Variants in GMPS observed in about 807,000 individuals in gnomAD.
GMPS encodes the protein guanosine monophosphate synthase, also known as GMP synthase [glutamine-hydrolyzing].
In GMPS, 15 loss-of-function variants were observed where a neutral mutation model predicts 77.9. The ratio of observed to expected loss-of-function variants is 0.19; its 90% CI spans 0.13 to 0.30. GMPS has a LOEUF of 0.30. GMPS is among the 10% of genes least tolerant of loss of function. GMPS has a pLI of 1.00. For synonymous variants in GMPS, 224 were observed against 275.9 expected, an observed-to-expected ratio of 0.81 and a Z score of 1.86; for missense variants, 590 against 838.8, an observed-to-expected ratio of 0.70 and a Z score of 3.66.
At chr3:155,871,684 C>G (rs991264878) in intron 1 of GMPS, among the ~76,000 whole-genome samples, 4 of 152,252 alleles carry the variant, frequency 2.6e-5, no homozygotes, top group African/African-American at 9.6e-5. Context: ...TAACCCGCTT[C>G]CCCGCCTTTG....
At chr3:155,916,444 A>G (rs1002130864) in intron 9 of GMPS, among the ~76,000 whole-genome samples, 14 of 151,810 alleles carry the variant, frequency 9.2e-5, no homozygotes, top group African/African-American at 3.4e-4. Context: ...CTAGGCAATT[A>G]CCAACCACTA....
intron 2 of GMPS, among the ~76,000 whole-genome samples, chr3:155,896,993 C>A (rs932156538): frequency 6.6e-6 from 1 of 151,984 alleles, no homozygotes; most frequent in Non-Finnish European, 1.5e-5. Context: ...CCTAAGTATA[C>A]CTTCATTGTG....
chr3:155,940,465 C>T lies in GMPS; in HGVS notation c.*2773C>T, dbSNP rs1755860852. 4.7e-6 allele frequency: 1 copy of T among 211,472 alleles called. No homozygotes were observed. The highest frequency in any genetic ancestry group is 1.9e-4 in the South Asian group (1 of 5,366). The allele number at this position is 211,472 out of a possible 1,614,324, so 13.1% of individuals were successfully genotyped here. A position where few individuals can be genotyped will look rare whatever the true frequency, so the allele number is the denominator to read the frequency against. ...AAGCATCATAAAATTTGTTTCCTCA[C>T]TGTTTGGGCTTAACCTCCTGATAGC... On this transcript the variant is annotated 3_prime_UTR_variant, in exon 16 of 16. Transcript: ENST00000496455.
At chr3:155,874,609 TG>T (rs1753984815) in intron 1 of GMPS, among the ~76,000 whole-genome samples, 1 of 152,168 alleles carries the variant, frequency 6.6e-6, no homozygotes, top group Admixed American at 6.6e-5. Context: ...ACAAAAGGAA[TG>T]GTTTTTAGTG....
rs892318928 is a variant in GMPS, at chr3:155,939,517, C to T, written c.*1825C>T. On this transcript the variant is annotated 3_prime_UTR_variant, in exon 16 of 16. Coordinates refer to ENST00000496455, the MANE Select transcript of GMPS (RefSeq NM_003875.3). The stretch of plus-strand genomic sequence containing the variant: ...GTCATATAAGTTTGGGGAACATAAG[C>T]TCACTTGTCCTTTCCTGGAGATTCA... 4.9e-6 allele frequency: 1 copy of T among 205,192 alleles called. No homozygotes were observed. The highest frequency in any genetic ancestry group is 1.0e-5 in the Non-Finnish European group (1 of 100,294). 12.7% of individuals were successfully genotyped at this position (205,192 alleles called of 1,614,324 possible).
intron 1 of GMPS, among the ~76,000 whole-genome samples, chr3:155,875,634 G>T (rs1754031369): frequency 6.6e-6 from 1 of 152,222 alleles, no homozygotes; most frequent in Non-Finnish European, 1.5e-5. Flanking sequence ...GAAGCACTTT[G>T]TGAATCAACA....
intron 8 of GMPS, among the ~76,000 whole-genome samples, chr3:155,915,353 T>A (rs1297692654): frequency 1.3e-5 from 2 of 151,190 alleles, no homozygotes; most frequent in Non-Finnish European, 2.9e-5. Context: ...TTCTCCTGCC[T>A]CAGCCTCCCG....
intron 10 of GMPS, among the ~76,000 whole-genome samples, chr3:155,920,943 G>A (rs1003046452): frequency 1.3e-5 from 2 of 152,136 alleles, no homozygotes; most frequent in Admixed American, 6.6e-5. Flanking sequence ...CAACTTTTAA[G>A]TATTTGGTAA....
At chr3:155,899,409 T>C (rs1577512430) in intron 3 of GMPS, among the ~76,000 whole-genome samples, 1 of 150,062 alleles carries the variant, frequency 6.7e-6, no homozygotes. Flanking sequence ...TACTGAGATC[T>C]TGAGATAAGA....
intron 10 of GMPS, 91 bp downstream of exon 10, chr3:155,919,429 T>C: frequency 1.5e-6 from 1 of 660,926 alleles, no homozygotes; most frequent in East Asian, 2.7e-5. Context: ...TAATCTGTCA[T>C]CTCAGGGAAT....
intron 5 of GMPS, 124 bp from the exon 6 acceptor site, chr3:155,910,568 C>CAAAAG: frequency 7.4e-5 from 19 of 258,346 alleles, no homozygotes; most frequent in South Asian, 2.2e-4. Flanking sequence ...GACTCTGTCT[C>CAAAAG]AAAAAAAAAA....
intron 12 of GMPS, among the ~76,000 whole-genome samples, chr3:155,929,663 A>C (rs568382091): frequency 4.2e-4 from 58 of 136,898 alleles, no homozygotes; most frequent in African/African-American, 1.5e-3. Flanking sequence ...AACTTCAGCA[A>C]AGTCTCAGGA....
chr3:155,942,156 G>A lies in GMPS; in HGVS notation c.*4464G>A, dbSNP rs1426832429. The A allele has an allele frequency of 3.8e-5, 7 of 185,344 alleles. No individual in the cohort carries two copies. The highest frequency in any genetic ancestry group is 1.9e-4 in the Admixed American group (3 of 16,006). The allele number at this position is 185,344 out of a possible 1,614,324, so 11.5% of individuals were successfully genotyped here. Reference sequence around the variant, plus strand: ...TCCCCAAGTGCAGTGGCACAATCTCGGCTCACTGCAAGCTCCGCTTCGTGG... The same window carrying A: ...TCCCCAAGTGCAGTGGCACAATCTCAGCTCACTGCAAGCTCCGCTTCGTGG... On this transcript the variant is annotated 3_prime_UTR_variant, in exon 16 of 16. Coordinates refer to ENST00000496455, the MANE Select transcript of GMPS (RefSeq NM_003875.3).
rs1755121815 is a variant in GMPS at position 155,914,506 on chromosome 3, A to G, written c.974A>G (p.Lys325Arg). The part of the protein sequence containing the change: ...EDRTPRKRIS[K>R]TLNMTTSPEE... ...AGAACCCCACGGAAAAGAATTAGCA[A>G]AACGTTAAATATGACCACAAGTCCT... Residue 325 changes from lysine to arginine, a missense_variant, in exon 8 of 16, where the codon AAA (lysine) becomes AGA (arginine). Around this residue, in one of 6 missense-constraint regions of GMPS, gnomAD observed 181 missense variants for 186.8 expected, o/e 0.97. Coordinates refer to ENST00000496455, the MANE Select transcript of GMPS (RefSeq NM_003875.3). 1.2e-6 allele frequency: 2 copies of G among 1,606,232 alleles called. No homozygotes were observed. Among genetic ancestry groups the G allele is most frequent in the Non-Finnish European group, 1.7e-6 (2 of 1,176,658 alleles).
chr3:155,892,273 C>T (rs1315028699), intron 1 of GMPS, among the ~76,000 whole-genome samples: 2 of 152,106 alleles, frequency 1.3e-5, no homozygotes, highest in African/African-American at 4.8e-5. Flanking sequence ...ATTGAAGTGG[C>T]ATTATACTGT....
At chr3:155,930,556 C>T (rs924745088) in intron 12 of GMPS, among the ~76,000 whole-genome samples, 6 of 151,864 alleles carry the variant, frequency 4.0e-5, no homozygotes, top group East Asian at 1.9e-4. Context: ...AAGAAACTAC[C>T]ATCAGAGTGA....
rs550965817 is a variant in GMPS at position 155,931,842 on chromosome 3, G to A, written c.1638G>A (p.Leu546=). Residue 546 remains leucine, a synonymous_variant, in exon 13 of 16, where the codon CTG becomes CTA. Transcript: ENST00000496455. ...DEPDWESLIF[L]ARLIPRMCHN... ...CTGACTGGGAATCACTTATTTTTCT[G>A]GCTAGGCTTATACCTCGCATGTGTC... 1.9e-6 allele frequency: 3 copies of A among 1,593,048 alleles called. No individual in the cohort carries two copies. In the South Asian group the frequency reaches 3.3e-5, roughly 18 times the overall value.
chr3:155,925,457 C>T (rs1025464033), intron 12 of GMPS, 91 bp downstream of exon 12: 80 of 1,010,154 alleles, frequency 7.9e-5, no homozygotes, highest in Middle Eastern at 5.7e-4. Flanking sequence ...CAGGCTGGAG[C>T]GCAGTGGCGT....
intron 14 of GMPS, among the ~76,000 whole-genome samples, chr3:155,935,349 G>GT (rs1755735954): frequency 6.6e-6 from 1 of 151,896 alleles, no homozygotes; most frequent in Non-Finnish European, 1.5e-5. Flanking sequence ...CACCTGGCTA[G>GT]TTTTTTGTAT....
Sources: gnomAD v4.1 joint callset for allele counts (sites outside exome capture counted in the v4.1 genomes callset) on GRCh38, gnomAD v4.1.1 for gene constraint, gnomAD v4.1.1 regional missense constraint, MANE v1.5 for transcripts, NCBI Gene and HGNC (gene_info 2026-07-23, HGNC 2026-07-21) for gene names.